SUGCT: variants seen among roughly 807,000 people sequenced by gnomAD.
The protein encoded by SUGCT is succinyl-CoA:glutarate-CoA transferase, also known as succinyl-CoA:glutarate CoA-transferase.
SUGCT carries 41 observed loss-of-function variants against 55.0 expected under a neutral mutation model. That is an observed-to-expected ratio of 0.74 (90% confidence interval 0.58 to 0.97). SUGCT has a LOEUF of 0.97. SUGCT is among the 50% of genes least tolerant of loss of function. The pLI, the probability that SUGCT is intolerant of heterozygous loss-of-function variation, is 0.00. For synonymous variants in SUGCT, 187 were observed against 200.4 expected, an observed-to-expected ratio of 0.93 and a Z score of 0.56; for missense variants, 568 against 547.8, an observed-to-expected ratio of 1.04 and a Z score of -0.37.
chr7:40,915,383 G>T, the SUGCT span, among the ~76,000 whole-genome samples: 2 of 152,148 alleles, frequency 1.3e-5, no homozygotes, highest in East Asian at 3.9e-4. Flanking sequence ...TATGAAACTA[G>T]GTAAGACCTC....
the SUGCT span, among the ~76,000 whole-genome samples, chr7:40,936,939 C>A: frequency 2.0e-5 from 3 of 152,080 alleles, no homozygotes; most frequent in East Asian, 5.8e-4. Flanking sequence ...TTTCTAATTT[C>A]ATTTCTTTGT....
chr7:40,489,773 A>C (rs561036720), intron 11 of SUGCT, among the ~76,000 whole-genome samples: 34 of 152,298 alleles, frequency 2.2e-4, no homozygotes, highest in African/African-American at 6.5e-4. Flanking sequence ...ATACTTTGTC[A>C]TGCACTTCAC....
At chr7:40,947,099 G>T in the SUGCT span, among the ~76,000 whole-genome samples, 1 of 151,954 alleles carries the variant, frequency 6.6e-6, no homozygotes, top group Non-Finnish European at 1.5e-5. Context: ...ACATATGTTG[G>T]TATGCTTGAT....
the SUGCT span, among the ~76,000 whole-genome samples, chr7:40,992,570 T>G: frequency 2.0e-5 from 3 of 152,282 alleles, no homozygotes; most frequent in South Asian, 6.2e-4. Context: ...CTGACAAAAG[T>G]ATCCCTCTTG....
At chr7:40,933,245 A>G in the SUGCT span, among the ~76,000 whole-genome samples, 1 of 152,046 alleles carries the variant, frequency 6.6e-6, no homozygotes. Context: ...TTTCTTTAAG[A>G]TATTGAATAT....
the SUGCT span, among the ~76,000 whole-genome samples, chr7:40,933,204 G>A: frequency 1.1e-4 from 16 of 152,182 alleles, no homozygotes; most frequent in African/African-American, 3.6e-4. Flanking sequence ...GCCTAGTTTC[G>A]CTGGATATGA....
intron 13 of SUGCT, among the ~76,000 whole-genome samples, chr7:40,853,070 AC>A (rs1793935007): frequency 1.3e-5 from 2 of 149,928 alleles, no homozygotes; most frequent in Admixed American, 1.3e-4. Context: ...ACTCAGCACA[AC>A]ACTTCAAAAA....
intron 12 of SUGCT, among the ~76,000 whole-genome samples, chr7:40,628,028 A>G (rs1799605443): frequency 6.6e-6 from 1 of 152,186 alleles, no homozygotes; most frequent in African/African-American, 2.4e-5. Flanking sequence ...TTATATTTAA[A>G]TGTATTGTGC....
chr7:40,242,915 ATATATATATATATATATATT>A (rs1355569898), intron 7 of SUGCT, among the ~76,000 whole-genome samples: 3 of 19,932 alleles, frequency 1.5e-4, no homozygotes, highest in Non-Finnish European at 3.0e-4. Flanking sequence ...GCATATATAT[ATATATATATATATATATATT>A]TTTTTTTTTT....
intron 12 of SUGCT, among the ~76,000 whole-genome samples, chr7:40,581,556 A>G (rs1385140752): frequency 2.6e-5 from 4 of 152,232 alleles, no homozygotes; most frequent in African/African-American, 9.6e-5. Context: ...AGGAAGCCAC[A>G]TGGCGTAATT....
chr7:40,436,314 C>T (rs1028619173), intron 9 of SUGCT, among the ~76,000 whole-genome samples: 4 of 152,078 alleles, frequency 2.6e-5, no homozygotes, highest in Admixed American at 1.3e-4. Flanking sequence ...GTCACCTGGG[C>T]CTGTACTCTA....
At chr7:40,750,781 A>C (rs963519154) in intron 13 of SUGCT, among the ~76,000 whole-genome samples, 6 of 152,226 alleles carry the variant, frequency 3.9e-5, no homozygotes, top group Non-Finnish European at 8.8e-5. Context: ...TGAAAAACTG[A>C]GATCACATGT....
At chr7:40,912,771 CA>C in the SUGCT span, among the ~76,000 whole-genome samples, 62,640 of 111,430 alleles carry the variant, frequency 0.56, 15,920 homozygotes, top group Admixed American at 0.66. Flanking sequence ...TAAACGTTTC[CA>C]AAAAAAAAAA....
At chr7:40,196,088 A>G (rs1786274388) in intron 6 of SUGCT, among the ~76,000 whole-genome samples, 1 of 152,164 alleles carries the variant, frequency 6.6e-6, no homozygotes, top group African/African-American at 2.4e-5. Flanking sequence ...ATTCAGAAGC[A>G]CTAAGCCAAA....
At chr7:40,899,063 T>G in the SUGCT span, among the ~76,000 whole-genome samples, 2 of 152,124 alleles carry the variant, frequency 1.3e-5, no homozygotes, top group Admixed American at 1.3e-4. Flanking sequence ...AAGCCACTCT[T>G]GTAGAACCCC....
At chr7:40,171,757 G>A (rs1421420051) in intron 1 of SUGCT, among the ~76,000 whole-genome samples, 1 of 152,204 alleles carries the variant, frequency 6.6e-6, no homozygotes, top group Non-Finnish European at 1.5e-5. Context: ...AGTGGATTAA[G>A]AATTTTTGAT....
At chr7:40,268,049 TC>T (rs1480755560) in intron 7 of SUGCT, among the ~76,000 whole-genome samples, 3 of 152,208 alleles carry the variant, frequency 2.0e-5, no homozygotes, top group Non-Finnish European at 4.4e-5. Context: ...ACTTTATTTT[TC>T]CTGCTTCATT....
chr7:40,794,442 G>T (rs1052949244), intron 13 of SUGCT, among the ~76,000 whole-genome samples: 3 of 152,098 alleles, frequency 2.0e-5, no homozygotes, highest in Non-Finnish European at 2.9e-5. Flanking sequence ...TCCATGAGAT[G>T]TATTTTATTT....
chr7:40,515,435 T>C (rs1374589645), intron 12 of SUGCT, among the ~76,000 whole-genome samples: 2 of 152,216 alleles, frequency 1.3e-5, no homozygotes, highest in Non-Finnish European at 2.9e-5. Flanking sequence ...TCAGGACATT[T>C]TCATAACTGC....
Sources: gnomAD v4.1 joint callset for allele counts (sites outside exome capture counted in the v4.1 genomes callset) on GRCh38, gnomAD v4.1.1 for gene constraint, MANE v1.5 for transcripts, NCBI Gene and HGNC (gene_info 2026-07-23, HGNC 2026-07-21) for gene names.